PHTF2: variants seen among roughly 807,000 people sequenced by gnomAD.
PHTF2 encodes the protein putative homeodomain transcription factor 2, also known as protein PHTF2.
In PHTF2, 60 loss-of-function variants were observed where a neutral mutation model predicts 101.2. The ratio of observed to expected loss-of-function variants is 0.59; its 90% confidence interval spans 0.48 to 0.73. The LOEUF (loss-of-function observed/expected upper bound fraction) is 0.73, where lower values mean the gene tolerates loss of function less well. Ranked by LOEUF, PHTF2 falls within the 30% of genes least tolerant of loss-of-function variation. The probability of loss-of-function intolerance (pLI) is 0.00; values close to 1 mark genes in which losing one functional copy is unlikely to be tolerated. For synonymous variants in PHTF2, 311 were observed against 307.3 expected (o/e 1.01, Z -0.13); for missense variants, 747 against 908.7 (o/e 0.82, Z 2.29).
exon 1 of PHTF2, chr7:77,798,873 T>G (rs1792289621): frequency 6.6e-6 from 1 of 152,554 alleles, no homozygotes; most frequent in African/African-American, 2.4e-5. Context: ...GCGGGCAGCC[T>G]CGTTGTGGCT....
At chr7:77,856,539 A>G (rs1797198651) in intron 3 of PHTF2, among the ~76,000 whole-genome samples, 1 of 151,912 alleles carries the variant, frequency 6.6e-6, no homozygotes. Flanking sequence ...AATTTTTTGT[A>G]AAGATGGGGT....
At chr7:77,906,013 C>T (rs1436600137) in intron 7 of PHTF2, among the ~76,000 whole-genome samples, 3 of 151,826 alleles carry the variant, frequency 2.0e-5, no homozygotes, top group Non-Finnish European at 2.9e-5. Context: ...GACGGAGTCT[C>T]GCTCTGTTGC....
At chr7:77,924,083 A>T (rs1803731724) in intron 11 of PHTF2, 1 of 963,754 alleles carries the variant, frequency 1.0e-6, no homozygotes, top group Non-Finnish European at 1.2e-6. Context: ...TAAAAGCTGC[A>T]TTCAGTTCTC....
At chr7:77,802,885 ATCT>A (rs1328579459) in intron 1 of PHTF2, among the ~76,000 whole-genome samples, 5 of 152,202 alleles carry the variant, frequency 3.3e-5, no homozygotes, top group South Asian at 2.1e-4. Context: ...TCGTGCTTCT[ATCT>A]TCTTCTCAGA....
intron 1 of PHTF2, among the ~76,000 whole-genome samples, chr7:77,799,617 CTTAT>C (rs1792372738): frequency 2.0e-5 from 3 of 152,324 alleles, no homozygotes; most frequent in Admixed American, 1.3e-4. Flanking sequence ...TTCAGCTTTT[CTTAT>C]TTTTATCTGC....
At chr7:77,806,013 A>G (rs1367742396) in intron 1 of PHTF2, among the ~76,000 whole-genome samples, 1 of 152,180 alleles carries the variant, frequency 6.6e-6, no homozygotes, top group Non-Finnish European at 1.5e-5. Flanking sequence ...CGTCTCTACT[A>G]AAAATACAAA....
At chr7:77,892,427 G>C (rs952199634) in intron 3 of PHTF2, among the ~76,000 whole-genome samples, 1 of 152,192 alleles carries the variant, frequency 6.6e-6, no homozygotes, top group African/African-American at 2.4e-5. Context: ...AAAAAATAAT[G>C]TGTAGATTAA....
Position 77,897,655 on chromosome 7 carries a change from T to TA in PHTF2, c.217-3052dup, listed in dbSNP as rs1377783393. On this transcript the variant is annotated intron_variant, in intron 5 of 19. Transcript: ENST00000416283. ...CAAGCCAATTGAAAATTTTCCAGTGTAAAATAGCTACTTAATTAAAATCAG... is the reference window on the plus strand; with the variant it reads ...CAAGCCAATTGAAAATTTTCCAGTGTAAAAATAGCTACTTAATTAAAATCAG... Among the ~76,000 whole-genome samples the TA allele has an allele frequency of 1.4e-4, 22 of 152,174 alleles. 1 individual carries two copies. The highest frequency in any genetic ancestry group is 5.9e-5 in the Non-Finnish European group (4 of 68,030).
chr7:77,897,933 C>T (rs935229335), intron 5 of PHTF2, among the ~76,000 whole-genome samples: 1 of 151,598 alleles, frequency 6.6e-6, no homozygotes, highest in African/African-American at 2.4e-5. Flanking sequence ...CTGCCCACCT[C>T]AGCCTCTCAA....
intron 5 of PHTF2, among the ~76,000 whole-genome samples, chr7:77,895,711 A>G (rs1316679240): frequency 6.6e-6 from 1 of 152,128 alleles, no homozygotes; most frequent in South Asian, 2.1e-4. Context: ...TAAATCCTAA[A>G]TGTATGTTAG....
chr7:77,865,854 CA>C (rs1201448421), intron 3 of PHTF2, among the ~76,000 whole-genome samples: 1 of 151,854 alleles, frequency 6.6e-6, no homozygotes, highest in Non-Finnish European at 1.5e-5. Context: ...TTTGAGTTGT[CA>C]AATCTGTGAA....
intron 2 of PHTF2, among the ~76,000 whole-genome samples, chr7:77,842,214 T>C (rs1053467621): frequency 2.0e-5 from 3 of 152,144 alleles, no homozygotes; most frequent in Non-Finnish European, 4.4e-5. Flanking sequence ...TATATTTATT[T>C]ATTTTTGAGA....
At chr7:77,951,712 G>A in exon 18 of PHTF2, 1 of 1,267,502 alleles carries the variant, frequency 7.9e-7, no homozygotes, top group Non-Finnish European at 1.1e-6. Context: ...AACTGCTAAA[G>A]GTAAGAATAG....
intron 2 of PHTF2, among the ~76,000 whole-genome samples, chr7:77,841,415 T>A (rs1795879621): frequency 6.6e-6 from 1 of 152,084 alleles, no homozygotes; most frequent in African/African-American, 2.4e-5. Context: ...CAATTGAAAA[T>A]AAGTGATAAT....
At chr7:77,937,525 A>G (rs1805248249) in intron 12 of PHTF2, among the ~76,000 whole-genome samples, 185 bp from the exon 12 acceptor site, 1 of 152,166 alleles carries the variant, frequency 6.6e-6, no homozygotes, top group African/African-American at 2.4e-5. Flanking sequence ...GTGTGTATAA[A>G]TATATTAGCT....
At chr7:77,930,126 A>G (rs1411717384) in intron 12 of PHTF2, among the ~76,000 whole-genome samples, 1 of 151,530 alleles carries the variant, frequency 6.6e-6, no homozygotes, top group Admixed American at 6.6e-5. Context: ...GCTAATTTTT[A>G]TGTTATTAGT....
chr7:77,821,644 C>T (rs540519006), intron 1 of PHTF2, among the ~76,000 whole-genome samples: 1 of 152,008 alleles, frequency 6.6e-6, no homozygotes, highest in South Asian at 2.1e-4. Context: ...CCACATGGAG[C>T]TGTTTATAGG....
At chr7:77,826,406 G>A (rs2150535048) in intron 1 of PHTF2, among the ~76,000 whole-genome samples, 1 of 152,152 alleles carries the variant, frequency 6.6e-6, no homozygotes, top group African/African-American at 2.4e-5. Flanking sequence ...TATAACCTTG[G>A]GTACAAAAAG....
intron 12 of PHTF2, among the ~76,000 whole-genome samples, chr7:77,932,602 AAGAG>A (rs777881524): frequency 2.0e-3 from 259 of 130,036 alleles, no homozygotes; most frequent in South Asian, 0.014. Flanking sequence ...GAGAGAGAGA[AAGAG>A]AGAGAGAGAG....
Sources: gnomAD v4.1 joint callset for allele counts (sites outside exome capture counted in the v4.1 genomes callset) on GRCh38, gnomAD v4.1.1 for gene constraint, MANE v1.5 for transcripts, NCBI Gene and HGNC (gene_info 2026-07-23, HGNC 2026-07-21) for gene names.